Variants in RAB38 observed in about 807,000 individuals in gnomAD.
The protein encoded by RAB38 is RAB38, member RAS oncogene family, also known as ras-related protein Rab-38.
RAB38 carries 15 observed loss-of-function variants against 18.4 expected under a neutral mutation model. That is an observed-to-expected ratio of 0.82 (90% confidence interval 0.55 to 1.26). RAB38 has a LOEUF of 1.26. Among genes scored for constraint, RAB38 ranks in the 50% most tolerant of loss-of-function variants. The pLI is 0.00. For synonymous variants in RAB38, 101 were observed against 104.4 expected, an observed-to-expected ratio of 0.97 and a Z score of 0.20; for missense variants, 294 against 267.4, an observed-to-expected ratio of 1.10 and a Z score of -0.69.
the RAB38 span, among the ~76,000 whole-genome samples, chr11:88,033,088 G>A: frequency 3.3e-5 from 5 of 152,208 alleles, no homozygotes; most frequent in South Asian, 2.1e-4. Flanking sequence ...GGACATCGAT[G>A]AAATTGGAAA....
At chr11:87,848,339 T>G in the RAB38 span, among the ~76,000 whole-genome samples, 5 of 151,226 alleles carry the variant, frequency 3.3e-5, no homozygotes, top group Non-Finnish European at 7.4e-5. Flanking sequence ...CAGTCTGTCT[T>G]TAACCCTTTC....
the RAB38 span, among the ~76,000 whole-genome samples, chr11:87,843,575 A>G: frequency 6.6e-6 from 1 of 152,204 alleles, no homozygotes; most frequent in Non-Finnish European, 1.5e-5. Flanking sequence ...AGGAAGCACT[A>G]TTCTTGGAAT....
At chr11:88,174,620 C>CAAAAAAAAAAAAAAAA (rs60026669) in intron 1 of RAB38, among the ~76,000 whole-genome samples, 9 of 101,116 alleles carry the variant, frequency 8.9e-5, no homozygotes, top group East Asian at 3.5e-4. Context: ...AAGCAAAAAG[C>CAAAAAAAAAAAAAAAA]AAAAAAAAAA....
chr11:88,170,307 C>T (rs1943295289), intron 1 of RAB38, among the ~76,000 whole-genome samples: 1 of 152,150 alleles, frequency 6.6e-6, no homozygotes, highest in East Asian at 1.9e-4. Context: ...GGCTCAGACT[C>T]GATATGCATT....
At chr11:87,944,456 C>T in the RAB38 span, among the ~76,000 whole-genome samples, 1 of 152,098 alleles carries the variant, frequency 6.6e-6, no homozygotes, top group East Asian at 1.9e-4. Flanking sequence ...TGTGAAACAC[C>T]CTGTTCCCCT....
chr11:88,163,334 G>A (rs1376807996), intron 1 of RAB38, among the ~76,000 whole-genome samples: 1 of 152,102 alleles, frequency 6.6e-6, no homozygotes, highest in Non-Finnish European at 1.5e-5. Flanking sequence ...TTGCAAGAGG[G>A]AACCCCAGCA....
chr11:87,925,275 GC>G, the RAB38 span, among the ~76,000 whole-genome samples: 7 of 151,956 alleles, frequency 4.6e-5, no homozygotes, highest in Admixed American at 4.6e-4. Context: ...TAATTCAAAC[GC>G]CAATTCTTCT....
At chr11:88,092,713 T>A in the RAB38 span, among the ~76,000 whole-genome samples, 1 of 151,580 alleles carries the variant, frequency 6.6e-6, no homozygotes, top group Admixed American at 6.6e-5. Flanking sequence ...ATATATTTTC[T>A]AATATATAAA....
At chr11:87,804,112 A>G in the RAB38 span, among the ~76,000 whole-genome samples, 1 of 152,218 alleles carries the variant, frequency 6.6e-6, no homozygotes, top group Admixed American at 6.5e-5. Flanking sequence ...CTTTTGGTAA[A>G]TAGCAAATTT....
chr11:87,947,477 G>A, the RAB38 span, among the ~76,000 whole-genome samples: 8 of 152,144 alleles, frequency 5.3e-5, no homozygotes, highest in Non-Finnish European at 1.0e-4. Context: ...CCTATGTCCT[G>A]AATGGTATTG....
downstream of RAB38, among the ~76,000 whole-genome samples, chr11:88,110,575 T>C (rs1276087808): frequency 3.3e-5 from 5 of 151,796 alleles, no homozygotes; most frequent in South Asian, 2.1e-4. Flanking sequence ...TCCCAGCACG[T>C]TGGGAGGCCG....
At chr11:88,123,399 T>C (rs1377368163) in intron 2 of RAB38, among the ~76,000 whole-genome samples, 2 of 152,220 alleles carry the variant, frequency 1.3e-5, no homozygotes, top group Admixed American at 6.5e-5. Flanking sequence ...CAGCTTTCAC[T>C]GAAAATAATT....
chr11:87,806,634 AT>A, the RAB38 span, among the ~76,000 whole-genome samples: 1 of 152,098 alleles, frequency 6.6e-6, no homozygotes, highest in Non-Finnish European at 1.5e-5. Flanking sequence ...TGTATTCTTA[AT>A]TTTTTTATTT....
chr11:88,072,819 C>T, the RAB38 span, among the ~76,000 whole-genome samples: 1 of 151,934 alleles, frequency 6.6e-6, no homozygotes, highest in South Asian at 2.1e-4. Context: ...AAAAAAAAGA[C>T]TTCTGGTTCC....
chr11:87,962,671 T>C, the RAB38 span, among the ~76,000 whole-genome samples: 1 of 152,188 alleles, frequency 6.6e-6, no homozygotes, highest in Non-Finnish European at 1.5e-5. Context: ...TGAATGGGAA[T>C]GCAGTTAATA....
At chr11:88,092,142 TCTTTA>T in the RAB38 span, among the ~76,000 whole-genome samples, 3 of 151,652 alleles carry the variant, frequency 2.0e-5, no homozygotes, top group Admixed American at 6.6e-5. Context: ...CTACTGAGTT[TCTTTA>T]CTTTATTTTG....
chr11:88,168,961 A>G (rs1008485891), intron 1 of RAB38, among the ~76,000 whole-genome samples: 4 of 152,178 alleles, frequency 2.6e-5, no homozygotes, highest in Admixed American at 6.5e-5. Flanking sequence ...AGCATGTGTA[A>G]TCTATAGCCA....
At chr11:87,976,517 ATTT>A in the RAB38 span, among the ~76,000 whole-genome samples, 18 of 126,098 alleles carry the variant, frequency 1.4e-4, no homozygotes, top group Non-Finnish European at 2.5e-4. Context: ...ATATATTTAT[ATTT>A]TATATATATT....
the RAB38 span, among the ~76,000 whole-genome samples, chr11:87,965,090 G>A: frequency 6.6e-6 from 1 of 152,046 alleles, no homozygotes; most frequent in Non-Finnish European, 1.5e-5. Flanking sequence ...CCCTCTACCT[G>A]CTAGCATGGG....
Sources: gnomAD v4.1 joint callset for allele counts (sites outside exome capture counted in the v4.1 genomes callset) on GRCh38, gnomAD v4.1.1 for gene constraint, MANE v1.5 for transcripts, NCBI Gene and HGNC (gene_info 2026-07-23, HGNC 2026-07-21) for gene names.